The following ANXA10 variants were observed in gnomAD, a reference collection of about 807,000 sequenced individuals.
ANXA10 encodes the protein annexin 14.
A neutral mutation model predicts 53.5 loss-of-function variants in ANXA10; 49 were observed. That is an observed-to-expected ratio of 0.92 (90% CI 0.73 to 1.16). ANXA10 has a LOEUF of 1.16. Ranked by LOEUF, ANXA10 falls within the 50% of genes most tolerant of loss-of-function variation. ANXA10 has a pLI of 0.00. For missense variants in ANXA10, 393 were observed against 394.4 expected (o/e 1.00, Z 0.03); for synonymous variants, 131 against 128.9 (o/e 1.02, Z -0.11).
chr4:168,183,141 A>T (rs538201263), intron 10 of ANXA10, among the ~76,000 whole-genome samples: 1 of 152,338 alleles, frequency 6.6e-6, no homozygotes. Flanking sequence ...AATTTTAATC[A>T]TCAGTTTTAT....
At chr4:168,155,597 TA>T (rs1404171816) in intron 3 of ANXA10, among the ~76,000 whole-genome samples, 3 of 76,096 alleles carry the variant, frequency 3.9e-5, no homozygotes, top group East Asian at 4.2e-4. Context: ...TATATATAAT[TA>T]TATAATATAT....
At position 168,154,006 on chromosome 4, in the gene ANXA10, A is replaced by ACG. The variant is rs1272273290; in HGVS notation, c.196-8521_196-8520insGC. Reference sequence around the variant, plus strand: ...TACACACACACACACACACACACGCACACACGCGCGCGCGCGTGCCTCTGA... The same window carrying ACG: ...TACACACACACACACACACACACGCACGCACACGCGCGCGCGCGTGCCTCTGA... On this transcript the variant is annotated intron_variant, in intron 3 of 11. Coordinates refer to ENST00000359299, the MANE Select transcript of ANXA10 (RefSeq NM_007193.5). Among the ~76,000 whole-genome samples the ACG allele has an allele frequency of 2.7e-3, 410 of 151,614 alleles. 1 individual carries two copies. Among genetic ancestry groups the ACG allele is most frequent in the African/African-American group, 8.4e-3 (345 of 41,310 alleles).
In ANXA10 at chr4:168,179,309, A is replaced by G; in HGVS notation, c.721A>G (p.Ile241Val). The part of the protein sequence containing the change: ...DGYFQELLVA[I>V]VLCVRDKPAY... ...ATACTTTCAGGAGCTGCTGGTTGCAATTGGTAAGTAATAAATTATTTGAAG... is the reference window on the plus strand; with the variant it reads ...ATACTTTCAGGAGCTGCTGGTTGCAGTTGGTAAGTAATAAATTATTTGAAG... The change falls in exon 9 of 12, where the codon ATT becomes GTT. Residue 241 changes from isoleucine to valine, a missense_variant. By Grantham distance (29) the Ile-to-Val change is conservative. Coordinates refer to ENST00000359299, the MANE Select transcript of ANXA10 (RefSeq NM_007193.5). 6.3e-7 allele frequency: 1 copy of G among 1,597,680 alleles called. No homozygotes were observed. The highest frequency in any genetic ancestry group is 1.1e-5 in the South Asian group (1 of 90,050).
chr4:168,167,141 T>A (rs1168123521), intron 6 of ANXA10, among the ~76,000 whole-genome samples: 1 of 152,196 alleles, frequency 6.6e-6, no homozygotes, highest in Admixed American at 6.5e-5. Flanking sequence ...CTACTGTGGA[T>A]AAACTCTGAG....
chr4:168,098,342 G>A (rs1463307624), intron 1 of ANXA10, among the ~76,000 whole-genome samples: 1 of 151,968 alleles, frequency 6.6e-6, no homozygotes, highest in African/African-American at 2.4e-5. Context: ...CTGCAATTAG[G>A]TGGAGAGGAA....
At chr4:168,144,573 C>G (rs1731378099) in intron 3 of ANXA10, among the ~76,000 whole-genome samples, 1 of 152,130 alleles carries the variant, frequency 6.6e-6, no homozygotes. Context: ...CAACTGATAC[C>G]TAGAACTTTA....
At chr4:168,153,211 T>A (rs72987478) in intron 3 of ANXA10, among the ~76,000 whole-genome samples, 1 of 151,916 alleles carries the variant, frequency 6.6e-6, no homozygotes, top group Non-Finnish European at 1.5e-5. Context: ...TAGTAACAGT[T>A]CATCAGTTTC....
chr4:168,108,043 C>T (rs1439551179), intron 1 of ANXA10, among the ~76,000 whole-genome samples: 2 of 152,084 alleles, frequency 1.3e-5, no homozygotes, highest in African/African-American at 4.8e-5. Context: ...CCTTTTTAGA[C>T]CATATAGGGT....
intron 1 of ANXA10, among the ~76,000 whole-genome samples, chr4:168,099,511 T>C (rs79361345): frequency 1.5e-3 from 223 of 152,262 alleles, no homozygotes; most frequent in Admixed American, 2.6e-3. Flanking sequence ...GTTAGATTCA[T>C]GAACCCTCAG....
rs567378947 is a variant in ANXA10 at position 168,120,594 on chromosome 4, G to T, written c.19-7490G>T. On this transcript the variant is annotated intron_variant, in intron 1 of 11. Coordinates refer to ENST00000359299, the MANE Select transcript of ANXA10 (RefSeq NM_007193.5). ...ACATGTAATAAATTTTGATGACATCGCAATGTTAATAAAATACCTAACAAC... is the reference window on the plus strand; with the variant it reads ...ACATGTAATAAATTTTGATGACATCTCAATGTTAATAAAATACCTAACAAC... Among the ~76,000 whole-genome samples the T allele has an allele frequency of 2.0e-5, 3 of 152,028 alleles. No individual in the cohort carries two copies. The East Asian group carries it at 5.8e-4, about 29-fold the overall frequency.
intron 2 of ANXA10, among the ~76,000 whole-genome samples, chr4:168,134,367 A>T (rs1731201506): frequency 6.6e-6 from 1 of 152,176 alleles, no homozygotes; most frequent in South Asian, 2.1e-4. Context: ...TAATACAATT[A>T]TTGAGATTCA....
chr4:168,094,383 T>C (rs1486389591), intron 1 of ANXA10, among the ~76,000 whole-genome samples: 1 of 152,120 alleles, frequency 6.6e-6, no homozygotes, highest in Non-Finnish European at 1.5e-5. Context: ...GATGGTAAAA[T>C]GGTTTTACAT....
chr4:168,136,090 C>G lies in ANXA10; in HGVS notation c.101-3396C>G, dbSNP rs539474166. Among the ~76,000 whole-genome samples the G allele has an allele frequency of 3.3e-3, 504 of 152,190 alleles. 4 individuals carry two copies. The highest frequency in any genetic ancestry group is 0.011 in the African/African-American group (473 of 41,526). ...TTTAAACAACCAGATCTCATGAGAA[C>G]TCACTCACTATCAGAAGACCAGCAA... On this transcript the variant is annotated intron_variant, in intron 2 of 11. Coordinates refer to ENST00000359299, the MANE Select transcript of ANXA10 (RefSeq NM_007193.5).
At chr4:168,100,310 C>T (rs1416150614) in intron 1 of ANXA10, among the ~76,000 whole-genome samples, 1 of 152,034 alleles carries the variant, frequency 6.6e-6, no homozygotes, top group Non-Finnish European at 1.5e-5. Flanking sequence ...TTTACAAGAA[C>T]ATTCTTTCCT....
At chr4:168,171,065 A>C (rs1334947534) in intron 6 of ANXA10, among the ~76,000 whole-genome samples, 1 of 152,158 alleles carries the variant, frequency 6.6e-6, no homozygotes, top group Non-Finnish European at 1.5e-5. Flanking sequence ...GGATCAGTAA[A>C]TTCAGAAAAT....
At chr4:168,157,148 G>T (rs2149476318) in intron 3 of ANXA10, among the ~76,000 whole-genome samples, 1 of 152,096 alleles carries the variant, frequency 6.6e-6, no homozygotes, top group African/African-American at 2.4e-5. Context: ...CATTATAGAT[G>T]CCAAAATAAC....
intron 1 of ANXA10, among the ~76,000 whole-genome samples, chr4:168,108,925 C>A (rs1487708895): frequency 3.9e-5 from 6 of 152,130 alleles, no homozygotes; most frequent in African/African-American, 1.4e-4. Context: ...CCAAATAAAT[C>A]CCCTTTATAA....
chr4:168,179,174 A>C (rs777976843), intron 8 of ANXA10, 43 bp from the exon 9 acceptor site: 7 of 1,190,428 alleles, frequency 5.9e-6, no homozygotes, highest in Non-Finnish European at 8.6e-6. Context: ...TTTGTATTAT[A>C]ATATTTTCAA....
chr4:168,177,805 C>T lies in ANXA10; in HGVS notation c.534+12C>T, dbSNP rs1732160363. The stretch of plus-strand genomic sequence containing the variant: ...CTCAGGATGCAATGGTAACTAGAAC[C>T]AGTTCTCAGACTGACTGCAAAGAAC... On this transcript the variant is annotated intron_variant, in intron 7 of 11. Transcript: ENST00000359299. 6.2e-7 allele frequency: 1 copy of T among 1,613,982 alleles called. No homozygotes were observed. Among genetic ancestry groups the T allele is most frequent in the African/African-American group, 1.3e-5 (1 of 74,922 alleles).
Sources: allele counts gnomAD v4.1 joint callset (sites outside exome capture counted in the v4.1 genomes callset), GRCh38; gene constraint gnomAD v4.1.1; transcripts MANE v1.5; gene names NCBI Gene and HGNC (gene_info 2026-07-23, HGNC 2026-07-21).